Variants in MYO1E observed in about 807,000 individuals in gnomAD.
MYO1E encodes unconventional myosin-Ie.
A neutral mutation model predicts 151.1 loss-of-function variants in MYO1E; 68 were observed. The ratio of observed to expected loss-of-function variants is 0.45; its 90% confidence interval spans 0.37 to 0.55. The LOEUF (loss-of-function observed/expected upper bound fraction) is 0.55. Ranked by LOEUF, MYO1E falls within the 20% of genes least tolerant of loss-of-function variation. The pLI is 0.00. For missense variants in MYO1E, 1,363 were observed against 1,389.3 expected (o/e 0.98, Z 0.30); for synonymous variants, 601 against 501.7 (o/e 1.20, Z -2.64).
At chr15:59,174,492 A>T (rs183794784) in intron 19 of MYO1E, among the ~76,000 whole-genome samples, 1 of 152,258 alleles carries the variant, frequency 6.6e-6, no homozygotes, top group East Asian at 1.9e-4. Flanking sequence ...ATTCAGTTAG[A>T]CCTTGTCCTG....
At chr15:59,233,442 G>A (rs1421848986) in intron 5 of MYO1E, among the ~76,000 whole-genome samples, 3 of 152,052 alleles carry the variant, frequency 2.0e-5, no homozygotes, top group African/African-American at 4.8e-5. Context: ...AAGGCGGGCG[G>A]ATCATGAGGT....
chr15:59,155,973 A>G (rs1203252262), intron 25 of MYO1E, among the ~76,000 whole-genome samples: 1 of 151,974 alleles, frequency 6.6e-6, no homozygotes, highest in African/African-American at 2.4e-5. Flanking sequence ...CGGCTCAAAT[A>G]ATCTTCATGT....
chr15:59,227,620 G>A (rs1191910555), intron 6 of MYO1E, 30 bp from the exon 7 acceptor site: 1 of 1,613,440 alleles, frequency 6.2e-7, no homozygotes, highest in Non-Finnish European at 8.5e-7. Flanking sequence ...TTCCTTCAAT[G>A]GTTGGTGAAC....
chr15:59,205,401 G>T lies in MYO1E; in HGVS notation c.1615C>A (p.Leu539Met), dbSNP rs139049058. ...TCAGCTATGGCAAAACATACTTACA[G>T]CTCGCTGCTCTGCATAAGCTCGATG... ...DLIELMQSSE[L>M]PFIKSLFPEN... Residue 539 changes from leucine to methionine, a missense_variant and splice_region_variant, in exon 15 of 28, where the codon CTG becomes ATG. Coordinates refer to ENST00000288235, the MANE Select transcript of MYO1E (RefSeq NM_004998.4). 2,581 of 1,613,898 alleles carry T rather than the reference G, an allele frequency of 1.6e-3. 2 individuals are homozygous for T. The highest frequency in any genetic ancestry group is 1.9e-3 in the Non-Finnish European group (2,296 of 1,179,886).
Position 59,174,230 on chromosome 15 carries a change from AAAAG to A in MYO1E, c.2056_2059del (p.Leu686Ter). On this transcript the variant is annotated frameshift_variant, in exon 20 of 28. Coordinates refer to ENST00000288235, the MANE Select transcript of MYO1E (RefSeq NM_004998.4). LOFTEE classifies it high-confidence loss of function. The stretch of plus-strand genomic sequence containing the variant: ...ATACTTTCTCTCTCTCATCTCTTCT[AAAAG>A]AAATAGCTGTGAATGGAGAGAAGAC... 1.2e-6 allele frequency: 2 copies of A among 1,610,628 alleles called. No homozygotes were observed. Among genetic ancestry groups the A allele is most frequent in the Non-Finnish European group, 8.5e-7 (1 of 1,176,936 alleles).
At position 59,134,830 on chromosome 15, in the gene MYO1E, C is replaced by T. The variant is rs1596336215; in HGVS notation, c.*2550G>A. 1.3e-5 allele frequency: 2 copies of T among 152,160 alleles called. No individual in the cohort carries two copies. The highest frequency in any genetic ancestry group is 4.8e-5 in the African/African-American group (2 of 41,438). The allele number at this position is 152,160 out of a possible 1,614,324, so 9.4% of individuals were successfully genotyped here. A position where few individuals can be genotyped will look rare whatever the true frequency, so the allele number is the denominator to read the frequency against. On this transcript the variant is annotated 3_prime_UTR_variant, in exon 28 of 28. Transcript: ENST00000288235. ...TCCTAAAGTGGTCATATTTGCTTAACTGCACAGTGAACAAAATGGCAGGCC... is the reference window on the plus strand; with the variant it reads ...TCCTAAAGTGGTCATATTTGCTTAATTGCACAGTGAACAAAATGGCAGGCC...
chr15:59,227,521 G>A lies in MYO1E; in HGVS notation c.580C>T (p.Leu194=), dbSNP rs1212037836. The A allele has an allele frequency of 1.9e-5, 30 of 1,614,046 alleles. No individual in the cohort carries two copies. The highest frequency in any genetic ancestry group is 2.5e-5 in the Non-Finnish European group (30 of 1,180,016). The change falls in exon 7 of 28, where the codon CTG becomes TTG. Residue 194 remains leucine (L), a synonymous_variant. Transcript: ENST00000288235. ...CTCATCACCACCCTAGATTTTTCCA[G>A]AAGGAAGTTGGAGATCTTTCCACCA... The part of the protein sequence containing the change: ...PDGGKISNFL[L]EKSRVVMRNP...
intron 26 of MYO1E, among the ~76,000 whole-genome samples, chr15:59,143,229 C>T (rs1182278670): frequency 5.3e-5 from 8 of 152,042 alleles, no homozygotes; most frequent in Non-Finnish European, 7.4e-5. Context: ...GCCATTTGGC[C>T]CTTTATCACT....
intron 11 of MYO1E, 97 bp downstream of exon 11, chr15:59,214,543 T>C: frequency 8.1e-7 from 1 of 1,241,418 alleles, no homozygotes; most frequent in South Asian, 1.2e-5. Flanking sequence ...TGGTTTGTTT[T>C]CTGTTTTTTT....
intron 26 of MYO1E, 132 bp from the exon 27 acceptor site, chr15:59,138,499 G>A (rs2079388043): frequency 3.2e-6 from 3 of 951,874 alleles, no homozygotes; most frequent in East Asian, 5.0e-5. Context: ...AAGACATGTG[G>A]CCCAGGGTGC....
chr15:59,278,554 C>T (rs1397211573), intron 1 of MYO1E, among the ~76,000 whole-genome samples: 1 of 152,200 alleles, frequency 6.6e-6, no homozygotes, highest in Non-Finnish European at 1.5e-5. Flanking sequence ...AGGCACTGGG[C>T]TTGCAAACTG....
intron 1 of MYO1E, among the ~76,000 whole-genome samples, chr15:59,295,198 G>C (rs2080441657): frequency 6.6e-6 from 1 of 152,080 alleles, no homozygotes; most frequent in Non-Finnish European, 1.5e-5. Context: ...GCTTCAGGGA[G>C]ATCAGATTTG....
Position 59,153,577 on chromosome 15 carries a change from G to A in MYO1E, c.3080+13C>T. The A allele has an allele frequency of 6.2e-7, 1 of 1,613,378 alleles. No homozygotes were observed. The highest frequency in any genetic ancestry group is 8.5e-7 in the Non-Finnish European group (1 of 1,179,544). ...AGCTTGCCGGCTTCATCCAGAGGAT[G>A]TGAGAATCTTACCCTGCAGCTCCCT... On this transcript the variant is annotated intron_variant, in intron 26 of 27. Transcript: ENST00000288235.
At chr15:59,209,491 C>T (rs1395477935) in intron 13 of MYO1E, among the ~76,000 whole-genome samples, 1 of 151,886 alleles carries the variant, frequency 6.6e-6, no homozygotes, top group Non-Finnish European at 1.5e-5. Context: ...GCCTGGCCAA[C>T]ATGGTGAAAC....
chr15:59,194,125 G>A (rs2079751088), intron 17 of MYO1E, among the ~76,000 whole-genome samples: 3 of 151,534 alleles, frequency 2.0e-5, no homozygotes, highest in Admixed American at 6.6e-5. Context: ...AGTGAACCAA[G>A]ATCATGCCGC....
chr15:59,156,545 G>T, intron 25 of MYO1E, among the ~76,000 whole-genome samples: 1 of 152,146 alleles, frequency 6.6e-6, no homozygotes, highest in Non-Finnish European at 1.5e-5. Flanking sequence ...CCCAGGCTGG[G>T]CTCTAACTTC....
chr15:59,208,838 C>A lies in MYO1E; in HGVS notation c.1373G>T (p.Gly458Val). ...DLIENKVNPPGIMSILDDVCA... is the reference protein window; with the variant it reads ...DLIENKVNPPVIMSILDDVCA... Reference sequence around the variant, plus strand: ...CACGTCATCCAGGATGCTCATGATGCCAGGAGGGTTCTGATGGGAGCAAGA... The same window carrying A: ...CACGTCATCCAGGATGCTCATGATGACAGGAGGGTTCTGATGGGAGCAAGA... The change falls in exon 14 of 28, where the codon GGC becomes GTC. Residue 458 changes from glycine (G) to valine (V), a missense_variant. Gly to Val is a moderately radical substitution (Grantham distance 109). Transcript: ENST00000288235. 6.2e-7 allele frequency: 1 copy of A among 1,614,152 alleles called. No individual in the cohort carries two copies. Among genetic ancestry groups the A allele is most frequent in the Non-Finnish European group, 8.5e-7 (1 of 1,180,034 alleles).
intron 26 of MYO1E, among the ~76,000 whole-genome samples, chr15:59,144,624 T>G (rs2079430026): frequency 6.6e-6 from 1 of 151,828 alleles, no homozygotes; most frequent in Non-Finnish European, 1.5e-5. Flanking sequence ...CTAGGAAAGT[T>G]TTACAGAGAG....
chr15:59,280,587 A>G (rs1040100715), intron 1 of MYO1E, among the ~76,000 whole-genome samples: 1 of 147,766 alleles, frequency 6.8e-6, no homozygotes, highest in Non-Finnish European at 1.5e-5. Flanking sequence ...GCGCCATTGC[A>G]CTCCAGCCTG....
Sources: gnomAD v4.1 joint callset for allele counts (sites outside exome capture counted in the v4.1 genomes callset) on GRCh38, gnomAD v4.1.1 for gene constraint, MANE v1.5 for transcripts, NCBI Gene and HGNC (gene_info 2026-07-23, HGNC 2026-07-21) for gene names.